The following ATG13 variants were observed in gnomAD, a reference collection of about 807,000 sequenced individuals.
ATG13 encodes autophagy-related protein 13.
A neutral mutation model predicts 65.5 loss-of-function variants in ATG13; 23 were observed. That is an observed-to-expected ratio of 0.35 (90% CI 0.25 to 0.50). The LOEUF is 0.50. Among genes scored for constraint, ATG13 ranks in the 20% least tolerant of loss-of-function variants. The pLI, the probability that ATG13 is intolerant of heterozygous loss-of-function variation, is 0.98. For synonymous variants in ATG13, 252 were observed against 245.2 expected (o/e 1.03, Z -0.26); for missense variants, 566 against 677.0 (o/e 0.84, Z 1.82).
At chr11:46,644,530 G>T (rs1280085866) in intron 3 of ATG13, among the ~76,000 whole-genome samples, 170 bp downstream of exon 3, 1 of 151,866 alleles carries the variant, frequency 6.6e-6, no homozygotes, top group African/African-American at 2.4e-5. Flanking sequence ...GCGGTATTGG[G>T]GGTGTAGCTA....
chr11:46,649,950 AAAAT>A (rs1016818525), intron 6 of ATG13, among the ~76,000 whole-genome samples: 4 of 152,228 alleles, frequency 2.6e-5, no homozygotes, highest in Non-Finnish European at 4.4e-5. Flanking sequence ...TTCTAAAAAA[AAAAT>A]AACCACTTTG....
chr11:46,672,738 C>T lies in ATG13; in HGVS notation c.*406C>T, dbSNP rs1286273358. On this transcript the variant is annotated 3_prime_UTR_variant, in exon 19 of 19. Coordinates refer to ENST00000683050, the MANE Select transcript of ATG13 (RefSeq NM_001346311.2). The stretch of plus-strand genomic sequence containing the variant: ...CACCATCCACTGTTTGACATTCCAG[C>T]TGGTGGCCAAGAGATTGGTGTGGAG... 6.0e-6 allele frequency: 8 copies of T among 1,324,082 alleles called. No homozygotes were observed. The highest frequency in any genetic ancestry group is 7.9e-6 in the Non-Finnish European group (8 of 1,015,324). 82.0% of individuals were successfully genotyped at this position (1,324,082 alleles called of 1,614,324 possible).
At chr11:46,626,239 G>A (rs1254240578) in intron 1 of ATG13, among the ~76,000 whole-genome samples, 2 of 152,004 alleles carry the variant, frequency 1.3e-5, no homozygotes, top group Non-Finnish European at 2.9e-5. Context: ...ACAGGCGTGA[G>A]CCACCGCACT....
In ATG13 at chr11:46,627,309, G is replaced by A. The variant is rs543827110; in HGVS notation, c.-69-2736G>A. On this transcript the variant is annotated intron_variant, in intron 1 of 18. Coordinates refer to ENST00000683050, the MANE Select transcript of ATG13 (RefSeq NM_001346311.2). Reference sequence around the variant, plus strand: ...CAGAAGAATCACTTGAACTTGGGAGGCGGAGGTTGCAGTGAGCCGAGATTG... The same window carrying A: ...CAGAAGAATCACTTGAACTTGGGAGACGGAGGTTGCAGTGAGCCGAGATTG... Among the ~76,000 whole-genome samples, 13 of 152,058 alleles carry A rather than the reference G, an allele frequency of 8.5e-5. No individual in the cohort carries two copies. In the South Asian group the frequency reaches 2.1e-3, roughly 24 times the overall value.
intron 2 of ATG13, among the ~76,000 whole-genome samples, chr11:46,637,759 G>A (rs1018264893): frequency 6.6e-6 from 1 of 152,204 alleles, no homozygotes; most frequent in African/African-American, 2.4e-5. Flanking sequence ...GCGGACAGAG[G>A]AGTGGGAAAG....
intron 7 of ATG13, 44 bp downstream of exon 7, chr11:46,650,361 T>C: frequency 6.3e-7 from 1 of 1,584,094 alleles, no homozygotes; most frequent in Non-Finnish European, 8.6e-7. Flanking sequence ...ATCAACCCCC[T>C]CACTTTGTAC....
intron 11 of ATG13, among the ~76,000 whole-genome samples, chr11:46,662,533 G>A (rs2061412256): frequency 1.3e-5 from 2 of 151,996 alleles, no homozygotes; most frequent in South Asian, 2.1e-4. Context: ...GTGTCTTATT[G>A]CAATTTAAAA....
At chr11:46,667,934 A>C in intron 15 of ATG13, 47 bp downstream of exon 15, 1 of 1,470,490 alleles carries the variant, frequency 6.8e-7, no homozygotes, top group African/African-American at 1.4e-5. Flanking sequence ...GAGTTCTTAG[A>C]GTAAGGCCCC....
chr11:46,646,053 G>A, intron 5 of ATG13, 64 bp downstream of exon 5: 1 of 1,593,358 alleles, frequency 6.3e-7, no homozygotes, highest in Admixed American at 1.7e-5. Context: ...TCTGAGTCCA[G>A]TTCATTTCTC....
intron 7 of ATG13, among the ~76,000 whole-genome samples, chr11:46,655,200 C>G (rs773235758): frequency 2.6e-5 from 4 of 151,980 alleles, no homozygotes; most frequent in Non-Finnish European, 5.9e-5. Context: ...GAGATCGAAA[C>G]CATCCTGGCT....
At chr11:46,655,285 C>G (rs1300178643) in intron 7 of ATG13, among the ~76,000 whole-genome samples, 1 of 152,050 alleles carries the variant, frequency 6.6e-6, no homozygotes, top group Non-Finnish European at 1.5e-5. Flanking sequence ...TGTAGTCCAG[C>G]TGCTCGGGAG....
At chr11:46,623,115 T>C (rs1190445307) in intron 1 of ATG13, among the ~76,000 whole-genome samples, 1 of 151,828 alleles carries the variant, frequency 6.6e-6, no homozygotes, top group Non-Finnish European at 1.5e-5. Context: ...GGTGAAACCC[T>C]GTCTCTACTA....
chr11:46,645,886 A>T lies in ATG13; in HGVS notation c.167A>T (p.Lys56Ile). 6.2e-7 allele frequency: 1 copy of T among 1,614,180 alleles called. No homozygotes were observed. Among genetic ancestry groups the T allele is most frequent in the East Asian group, 2.2e-5 (1 of 44,882 alleles). Residue 56 changes from lysine to isoleucine, a missense_variant, in exon 5 of 19, where the codon AAA becomes ATA. Physicochemically the swap from Lys to Ile is moderately radical, Grantham distance 102. Transcript: ENST00000683050. ...GTTTTCCAGTTCAACTTAGCAATCA[A>T]AGACATCCCAGAGGTTACACATGAA... ...TGSDWFNLAI[K>I]DIPEVTHEAK...
intron 2 of ATG13, among the ~76,000 whole-genome samples, chr11:46,633,929 A>G (rs1437790605): frequency 2.6e-5 from 4 of 152,212 alleles, no homozygotes; most frequent in Non-Finnish European, 4.4e-5. Flanking sequence ...AATAAATGAA[A>G]GCAATTTTTT....
intron 6 of ATG13, 144 bp downstream of exon 6, chr11:46,649,327 C>A: frequency 1.1e-6 from 1 of 919,608 alleles, no homozygotes; most frequent in Non-Finnish European, 1.6e-6. Context: ...CTACAATTTG[C>A]TTCATCCTTG....
chr11:46,640,630 T>C (rs1477464289), intron 2 of ATG13, among the ~76,000 whole-genome samples: 1 of 152,178 alleles, frequency 6.6e-6, no homozygotes, highest in African/African-American at 2.4e-5. Context: ...CACTCCAGTC[T>C]AGGCAACAGA....
intron 5 of ATG13, among the ~76,000 whole-genome samples, chr11:46,646,578 T>C (rs2057614174): frequency 6.6e-6 from 1 of 152,034 alleles, no homozygotes; most frequent in Non-Finnish European, 1.5e-5. Flanking sequence ...ATTCTGCTGC[T>C]TTAGCCTCCC....
chr11:46,661,493 G>A (rs767529813), intron 11 of ATG13, among the ~76,000 whole-genome samples: 5 of 149,200 alleles, frequency 3.4e-5, no homozygotes, highest in South Asian at 4.3e-4. Flanking sequence ...ACTCTAGCCC[G>A]GGCAACAGAG....
Position 46,665,444 on chromosome 11 carries a change from C to T in ATG13, c.1061C>T (p.Thr354Ile). The T allele has an allele frequency of 6.2e-7, 1 of 1,614,190 alleles. No homozygotes were observed. Among genetic ancestry groups the T allele is most frequent in the South Asian group, 1.1e-5 (1 of 91,092 alleles). Residue 354 changes from threonine to isoleucine, a missense_variant, in exon 14 of 19, where the codon ACC (threonine) becomes ATC (isoleucine). Transcript: ENST00000683050. ...PLAPNQPVHGTQADQERLATC... is the reference protein window; with the variant it reads ...PLAPNQPVHGIQADQERLATC... Reference sequence around the variant, plus strand: ...GCTCCCAACCAGCCTGTCCATGGTACCCAGGCTGACCAGGAGAGACTGGCA... The same window carrying T: ...GCTCCCAACCAGCCTGTCCATGGTATCCAGGCTGACCAGGAGAGACTGGCA...
Sources: allele counts gnomAD v4.1 joint callset (sites outside exome capture counted in the v4.1 genomes callset), GRCh38; gene constraint gnomAD v4.1.1; transcripts MANE v1.5; gene names NCBI Gene and HGNC (gene_info 2026-07-23, HGNC 2026-07-21).